Variants in ACOT7 observed in about 807,000 individuals in gnomAD.
ACOT7 encodes the protein acyl-CoA thioesterase 7.
ACOT7 carries 12 observed loss-of-function variants against 40.2 expected under a neutral mutation model. The observed-to-expected ratio is 0.30, with a 90% CI of 0.19 to 0.48. The LOEUF is 0.48. ACOT7 is among the 20% of genes least tolerant of loss of function. The pLI is 0.99. For missense variants in ACOT7, 395 were observed against 530.8 expected (o/e 0.74, Z 2.51); for synonymous variants, 228 against 219.5 (o/e 1.04, Z -0.34).
At position 6,288,058 on chromosome 1, in the gene ACOT7, T is replaced by C. The variant is rs1639555641; in HGVS notation, c.830-6772A>G. On this transcript the variant is annotated intron_variant, in intron 7 of 8. Transcript: ENST00000361521. The surrounding 1 kb of genome is among the most constrained non-coding windows in gnomAD (Gnocchi z 4.3). ...TTCACACCAGCTACCTCTGGACATT[T>C]TAATGTCTCAACTGAAAAAAAAAAA... is the stretch of plus-strand genomic sequence containing the variant. 6.6e-6 allele frequency among the ~76,000 whole-genome samples: 1 copy of C among 152,046 alleles called. No individual in the cohort carries two copies. The highest frequency in any genetic ancestry group is 2.1e-4 in the South Asian group (1 of 4,830).
chr1:6,363,397 C>A (rs1641931878), intron 1 of ACOT7, among the ~76,000 whole-genome samples: 1 of 152,118 alleles, frequency 6.6e-6, no homozygotes, highest in Non-Finnish European at 1.5e-5. Flanking sequence ...GACTACTCCT[C>A]CACCTCTTGT....
rs1642398180 is a variant in ACOT7 at position 6,384,074 on chromosome 1, T to G, written c.143+9183A>C. ...TATGTTGCCCAGGCTGACAACTTTT[T>G]TGAATTGGAAAATTTTCTTAATTAA... On this transcript the variant is annotated intron_variant, in intron 1 of 8. Coordinates refer to ENST00000361521, the MANE Select transcript of ACOT7 (RefSeq NM_007274.4). 2.0e-5 allele frequency among the ~76,000 whole-genome samples: 3 copies of G among 151,854 alleles called. 1 individual carries two copies. The highest frequency in any genetic ancestry group is 7.2e-5 in the African/African-American group (3 of 41,420).
At chr1:6,269,220 C>T (rs1571254636) in intron 8 of ACOT7, among the ~76,000 whole-genome samples, 1 of 152,220 alleles carries the variant, frequency 6.6e-6, no homozygotes, top group African/African-American at 2.4e-5. Flanking sequence ...GGGGGCTGCC[C>T]TCCAGGTCGT....
intron 6 of ACOT7, among the ~76,000 whole-genome samples, chr1:6,304,195 G>T (rs150661055): frequency 6.6e-5 from 10 of 152,064 alleles, no homozygotes; most frequent in Non-Finnish European, 1.5e-4. Flanking sequence ...TCCAGGGGAC[G>T]CTCCTTTTGA....
chr1:6,266,766 G>A (rs1196755388), intron 8 of ACOT7, among the ~76,000 whole-genome samples: 1 of 152,256 alleles, frequency 6.6e-6, no homozygotes, highest in East Asian at 1.9e-4. Flanking sequence ...GCAGAGGAGC[G>A]GCCGCCCACA....
At chr1:6,349,611 G>A in intron 2 of ACOT7, 138 bp downstream of exon 2, 1 of 855,958 alleles carries the variant, frequency 1.2e-6, no homozygotes, top group African/African-American at 1.7e-5. Context: ...AAATACTTGG[G>A]CCACTTCTCC....
At chr1:6,321,172 C>T (rs533975698) in intron 5 of ACOT7, among the ~76,000 whole-genome samples, 1 of 152,320 alleles carries the variant, frequency 6.6e-6, no homozygotes, top group South Asian at 2.1e-4. Flanking sequence ...TGTTGGTTAT[C>T]CACCATGGCC....
chr1:6,285,826 C>G (rs1210596698), intron 7 of ACOT7, among the ~76,000 whole-genome samples: 2 of 152,222 alleles, frequency 1.3e-5, no homozygotes, highest in African/African-American at 4.8e-5. Context: ...CAAAGTCTGC[C>G]TTGATTCAGC....
chr1:6,288,533 G>A lies in ACOT7; in HGVS notation c.829+6331C>T, dbSNP rs939624284. On this transcript the variant is annotated intron_variant, in intron 7 of 8. Transcript: ENST00000361521. This position sits in a 1 kb window ranked among gnomAD's most constrained non-coding sequence, Gnocchi z 4.3. ...AATGTGGCATGTCACGGGGAGCCAC[G>A]GAGGCTGTGAGCAGAGGAATAGCAG... 2.6e-5 allele frequency among the ~76,000 whole-genome samples: 4 copies of A among 152,228 alleles called. No homozygotes were observed. The highest frequency in any genetic ancestry group is 7.2e-5 in the African/African-American group (3 of 41,460).
Position 6,274,676 on chromosome 1 carries a change from A to C in ACOT7, c.1014+6426T>G, listed in dbSNP as rs1639138405. Among the ~76,000 whole-genome samples, 2 of 152,148 alleles carry C rather than the reference A, an allele frequency of 1.3e-5. No individual in the cohort carries two copies. Among genetic ancestry groups the C allele is most frequent in the South Asian group, 4.1e-4 (2 of 4,828 alleles). The stretch of plus-strand genomic sequence containing the variant: ...AGGCCCCAGCAGAGGCAAAAGAATC[A>C]AACTGGAGTGGAAAACTTTCCACTA... On this transcript the variant is annotated intron_variant, in intron 8 of 8. Coordinates refer to ENST00000361521, the MANE Select transcript of ACOT7 (RefSeq NM_007274.4). This position sits in a 1 kb window ranked among gnomAD's most constrained non-coding sequence, Gnocchi z 5.9.
intron 6 of ACOT7, among the ~76,000 whole-genome samples, chr1:6,297,213 T>C (rs1045867073): frequency 6.6e-6 from 1 of 152,102 alleles, no homozygotes; most frequent in Non-Finnish European, 1.5e-5. Flanking sequence ...AATTTTTGTA[T>C]TTTTAGTAGA....
At position 6,355,684 on chromosome 1, in the gene ACOT7, A is replaced by G. The variant is rs1166665391; in HGVS notation, c.144-5818T>C. On this transcript the variant is annotated intron_variant, in intron 1 of 8. Coordinates refer to ENST00000361521, the MANE Select transcript of ACOT7 (RefSeq NM_007274.4). This position sits in a 1 kb window ranked among gnomAD's most constrained non-coding sequence, Gnocchi z 5.0. ...AAACCATCTCAACCCTTTCAAATTA[A>G]TAAGTGTTCTTTGAAAACGCTTCAA... Among the ~76,000 whole-genome samples the G allele has an allele frequency of 6.6e-6, 1 of 152,206 alleles. No individual in the cohort carries two copies. The highest frequency in any genetic ancestry group is 2.4e-5 in the African/African-American group (1 of 41,450).
At chr1:6,337,527 G>A (rs556309612) in intron 3 of ACOT7, among the ~76,000 whole-genome samples, 4 of 152,320 alleles carry the variant, frequency 2.6e-5, no homozygotes, top group Admixed American at 6.5e-5. Flanking sequence ...CAGCAGAAGC[G>A]GCCAGGAAAG....
At chr1:6,328,396 C>T (rs1333216546) in intron 4 of ACOT7, among the ~76,000 whole-genome samples, 5 of 152,092 alleles carry the variant, frequency 3.3e-5, no homozygotes, top group Non-Finnish European at 5.9e-5. Flanking sequence ...CATGGTGGCT[C>T]GTGCCTGTAA....
intron 1 of ACOT7, among the ~76,000 whole-genome samples, chr1:6,369,870 T>C (rs1642095550): frequency 2.0e-5 from 3 of 152,142 alleles, no homozygotes; most frequent in Non-Finnish European, 4.4e-5. Context: ...CCAAAATGCA[T>C]TTCTTAAACA....
chr1:6,379,516 G>C (rs1056968786), intron 1 of ACOT7, among the ~76,000 whole-genome samples: 1 of 151,584 alleles, frequency 6.6e-6, no homozygotes, highest in African/African-American at 2.4e-5. Flanking sequence ...CCAGTGCAGT[G>C]CTGTGGTCTC....
intron 6 of ACOT7, among the ~76,000 whole-genome samples, chr1:6,312,126 T>C (rs1640348712): frequency 6.6e-6 from 1 of 152,104 alleles, no homozygotes; most frequent in Non-Finnish European, 1.5e-5. Flanking sequence ...AGGCTGCGTC[T>C]CCCTCGGTAG....
intron 8 of ACOT7, among the ~76,000 whole-genome samples, chr1:6,268,185 A>T (rs575455222): frequency 6.6e-6 from 1 of 152,278 alleles, no homozygotes; most frequent in Non-Finnish European, 1.5e-5. Flanking sequence ...TGAATAGAAG[A>T]AAACCTGCTG....
Position 6,294,400 on chromosome 1 carries a change from C to A in ACOT7, c.829+464G>T, listed in dbSNP as rs1639755079. On this transcript the variant is annotated intron_variant, in intron 7 of 8. Transcript: ENST00000361521. This position sits in a 1 kb window ranked among gnomAD's most constrained non-coding sequence, Gnocchi z 4.6. ...GGATTTTTGTGGTGGAGAAAAACCACCCAATGCCAGTGCTGCCCTGGGTGG... is the reference window on the plus strand; with the variant it reads ...GGATTTTTGTGGTGGAGAAAAACCAACCAATGCCAGTGCTGCCCTGGGTGG... 6.6e-6 allele frequency among the ~76,000 whole-genome samples: 1 copy of A among 152,262 alleles called. No homozygotes were observed. The highest frequency in any genetic ancestry group is 6.5e-5 in the Admixed American group (1 of 15,288).
Sources: gnomAD v4.1 joint callset for allele counts (sites outside exome capture counted in the v4.1 genomes callset) on GRCh38, gnomAD v4.1.1 for gene constraint, Gnocchi (gnomAD v3.1) non-coding constraint, MANE v1.5 for transcripts, NCBI Gene and HGNC (gene_info 2026-07-23, HGNC 2026-07-21) for gene names.